The following PSMA1 variants were observed in gnomAD, a reference collection of about 807,000 sequenced individuals.
PSMA1 encodes proteasome 20S subunit alpha 1, also known as proteasome subunit alpha type-1.
In PSMA1, 3 loss-of-function variants were observed where a neutral mutation model predicts 38.4. The ratio of observed to expected loss-of-function variants is 0.08; its 90% CI spans 0.04 to 0.20. The LOEUF (loss-of-function observed/expected upper bound fraction) is 0.20, where lower values mean the gene tolerates loss of function less well. Among genes scored for constraint, PSMA1 ranks in the 10% least tolerant of loss-of-function variants. The pLI, the probability that PSMA1 is intolerant of heterozygous loss-of-function variation, is 1.00. For missense variants in PSMA1, 227 were observed against 325.3 expected (o/e 0.70, Z 2.32); for synonymous variants, 101 against 107.1 (o/e 0.94, Z 0.35).
At chr11:14,570,791 T>A (rs1290121279) in intron 2 of PSMA1, among the ~76,000 whole-genome samples, 3 of 152,130 alleles carry the variant, frequency 2.0e-5, no homozygotes, top group Non-Finnish European at 4.4e-5. Flanking sequence ...CAGAATATTA[T>A]CCAGGAGAAC....
At chr11:14,554,971 C>T (rs931700798) in intron 2 of PSMA1, among the ~76,000 whole-genome samples, 1 of 152,220 alleles carries the variant, frequency 6.6e-6, no homozygotes, top group African/African-American at 2.4e-5. Context: ...TTTATTTCTT[C>T]ATAGAGTTGC....
chr11:14,619,752 A>G (rs1590012773), intron 1 of PSMA1, among the ~76,000 whole-genome samples: 1 of 152,298 alleles, frequency 6.6e-6, no homozygotes, highest in African/African-American at 2.4e-5. Flanking sequence ...TAGTACCCTC[A>G]AAGTTTAAAC....
rs766986230 is a variant in PSMA1, at chr11:14,535,444, CT to C, written c.22-16404del. 3.0e-3 allele frequency among the ~76,000 whole-genome samples: 407 copies of C among 135,822 alleles called. 2 individuals carry two copies. Among genetic ancestry groups the C allele is most frequent in the East Asian group, 4.7e-3 (22 of 4,658 alleles). The allele number at this position is 135,822 out of a possible 152,430, so 89.1% of individuals were successfully genotyped here. On this transcript the variant is annotated intron_variant, in intron 2 of 10. Transcript: ENST00000418988. ...TGGGAAAATTTCTTTTTCTTTCTTT[CT>C]TTTTTTTTTTTTTTTGAGACGGAGT...
intron 2 of PSMA1, among the ~76,000 whole-genome samples, chr11:14,577,380 A>G (rs1852231233): frequency 4.6e-5 from 7 of 152,044 alleles, no homozygotes. Flanking sequence ...AGTCTCATAA[A>G]GAACATGCTT....
At chr11:14,626,006 T>G (rs753454317) in intron 1 of PSMA1, among the ~76,000 whole-genome samples, 2 of 152,214 alleles carry the variant, frequency 1.3e-5, no homozygotes, top group African/African-American at 4.8e-5. Context: ...CAATGTTGAC[T>G]GTGTTCTATG....
Position 14,534,410 on chromosome 11 carries a change from T to C in PSMA1, c.22-15369A>G, listed in dbSNP as rs975360734. Among the ~76,000 whole-genome samples, 2 of 152,234 alleles carry C rather than the reference T, an allele frequency of 1.3e-5. No homozygotes were observed. The highest frequency in any genetic ancestry group is 4.8e-5 in the African/African-American group (2 of 41,464). Reference sequence around the variant, plus strand: ...TTTCATAATTTATTTGACTAATATTTGATAGCCTTTAAACAGCTTGCTTTA... The same window carrying C: ...TTTCATAATTTATTTGACTAATATTCGATAGCCTTTAAACAGCTTGCTTTA... On this transcript the variant is annotated intron_variant, in intron 2 of 10. Coordinates refer to the PSMA1 transcript ENST00000418988. This position sits in a 1 kb window ranked among gnomAD's most constrained non-coding sequence, Gnocchi z 4.5.
chr11:14,624,065 A>T (rs1852882826), intron 1 of PSMA1, among the ~76,000 whole-genome samples: 1 of 152,226 alleles, frequency 6.6e-6, no homozygotes, highest in South Asian at 2.1e-4. Flanking sequence ...CCCATTTCAC[A>T]GTAAAGGAGA....
chr11:14,630,735 G>A (rs1334722395), intron 1 of PSMA1, among the ~76,000 whole-genome samples: 3 of 151,918 alleles, frequency 2.0e-5, no homozygotes, highest in Admixed American at 6.6e-5. Flanking sequence ...GTTTCAGAAG[G>A]AATGGTACCA....
At chr11:14,603,012 A>G (rs940770096) in intron 2 of PSMA1, among the ~76,000 whole-genome samples, 1 of 152,214 alleles carries the variant, frequency 6.6e-6, no homozygotes, top group East Asian at 1.9e-4. Context: ...CTTCCAATGT[A>G]CCCATGAAAG....
chr11:14,569,862 G>A (rs542894071), intron 2 of PSMA1, among the ~76,000 whole-genome samples: 1 of 152,186 alleles, frequency 6.6e-6, no homozygotes, highest in South Asian at 2.1e-4. Context: ...AGAGAGTAGT[G>A]GTTCTCCCAG....
intron 2 of PSMA1, among the ~76,000 whole-genome samples, chr11:14,562,260 G>A (rs1852018040): frequency 1.3e-5 from 2 of 152,324 alleles, no homozygotes; most frequent in African/African-American, 4.8e-5. Flanking sequence ...TCAGAGCAGT[G>A]AGGTCCAGCT....
At chr11:14,584,202 A>C (rs1356959791) in intron 2 of PSMA1, among the ~76,000 whole-genome samples, 1 of 152,222 alleles carries the variant, frequency 6.6e-6, no homozygotes, top group Admixed American at 6.5e-5. Flanking sequence ...CAAAGTCAAA[A>C]AGCGATGCCT....
intron 2 of PSMA1, among the ~76,000 whole-genome samples, chr11:14,583,410 C>T (rs1852305635): frequency 6.6e-6 from 1 of 152,154 alleles, no homozygotes; most frequent in African/African-American, 2.4e-5. Flanking sequence ...AGACGAGTGC[C>T]TTCAGGGCAA....
intron 2 of PSMA1, among the ~76,000 whole-genome samples, chr11:14,592,076 G>A (rs554569839): frequency 1.3e-5 from 2 of 151,874 alleles, no homozygotes; most frequent in African/African-American, 4.8e-5. Context: ...CACTCACTGC[G>A]AAGGTCTGCA....
Position 14,513,555 on chromosome 11 carries a change from A to G in PSMA1, c.544+15T>C. ...GGCAAAAAAAAAAAAAAAAAAAAGC[A>G]AGGCTGTCACTTACACTCCATAAAT... On this transcript the variant is annotated intron_variant, in intron 7 of 9. Coordinates refer to ENST00000396394, the MANE Select transcript of PSMA1 (RefSeq NM_002786.4). 1.4e-6 allele frequency: 2 copies of G among 1,451,072 alleles called. No homozygotes were observed. Among genetic ancestry groups the G allele is most frequent in the South Asian group, 1.6e-5 (1 of 60,708 alleles). 89.9% of individuals were successfully genotyped at this position (1,451,072 alleles called of 1,614,324 possible). A position where few individuals can be genotyped will look rare whatever the true frequency, so the allele number is the denominator to read the frequency against.
At chr11:14,613,355 G>A (rs1369018796) in intron 1 of PSMA1, among the ~76,000 whole-genome samples, 5 of 147,274 alleles carry the variant, frequency 3.4e-5, no homozygotes, top group African/African-American at 1.2e-4. Flanking sequence ...AGGTTCAAGT[G>A]ATTCTCATGT....
chr11:14,572,109 A>C (rs1253633566), intron 2 of PSMA1, among the ~76,000 whole-genome samples: 1 of 152,188 alleles, frequency 6.6e-6, no homozygotes, highest in Non-Finnish European at 1.5e-5. Flanking sequence ...GATCAACGAA[A>C]CAGAAAGTTA....
chr11:14,518,466 A>G (rs1202355074), intron 2 of PSMA1, among the ~76,000 whole-genome samples: 2 of 152,246 alleles, frequency 1.3e-5, no homozygotes, highest in Admixed American at 6.5e-5. Flanking sequence ...TATAAGATAC[A>G]CATATATAGT....
chr11:14,638,531 CTCTCTCTCTCTCTCTATATATA>C (rs1210789812), intron 1 of PSMA1, among the ~76,000 whole-genome samples: 8 of 28,946 alleles, frequency 2.8e-4, no homozygotes, highest in Non-Finnish European at 5.2e-4. Flanking sequence ...CTCTCTCTCT[CTCTCTCTCTCTCTCTATATATA>C]TATATATATA....
Sources: allele counts gnomAD v4.1 joint callset (sites outside exome capture counted in the v4.1 genomes callset), GRCh38; gene constraint gnomAD v4.1.1; non-coding constraint Gnocchi (gnomAD v3.1); transcripts MANE v1.5; gene names NCBI Gene and HGNC (gene_info 2026-07-23, HGNC 2026-07-21).